The following NME8 variants were observed in gnomAD, a reference collection of about 807,000 sequenced individuals.
NME8 encodes the protein protein NME8.
A neutral mutation model predicts 82.3 loss-of-function variants in NME8; 72 were observed. That is an observed-to-expected ratio of 0.87 (90% CI 0.72 to 1.06). The LOEUF (loss-of-function observed/expected upper bound fraction) is 1.06. NME8 is among the 50% of genes least tolerant of loss of function. The pLI, the probability that NME8 is intolerant of heterozygous loss-of-function variation, is 0.00. For missense variants in NME8, 712 were observed against 685.4 expected, an observed-to-expected ratio of 1.04 and a Z score of -0.43; for synonymous variants, 267 against 228.5, an observed-to-expected ratio of 1.17 and a Z score of -1.52.
chr7:37,878,897 T>C (rs1316729216), intron 12 of NME8, among the ~76,000 whole-genome samples: 5 of 152,126 alleles, frequency 3.3e-5, no homozygotes, highest in Non-Finnish European at 7.4e-5. Context: ...ATAGTTTACA[T>C]TAAGTTTCAC....
chr7:37,898,416 T>C (rs978603831), intron 17 of NME8, among the ~76,000 whole-genome samples: 4 of 152,166 alleles, frequency 2.6e-5, no homozygotes, highest in African/African-American at 9.6e-5. Flanking sequence ...CATATACTTG[T>C]ACAGTAATGT....
chr7:37,885,214 A>G lies in NME8; in HGVS notation c.1209A>G (p.Pro403=). ...GLQYWKQLLG[P]RTVEEAIEYF... Reference sequence around the variant, plus strand: ...AATACTGGAAACAATTACTGGGACCAAGAACTGTTGAAGAAGCCATTGAAT... The same window carrying G: ...AATACTGGAAACAATTACTGGGACCGAGAACTGTTGAAGAAGCCATTGAAT... Residue 403 remains proline (P), a synonymous_variant, in exon 14 of 18, where the codon CCA becomes CCG. Transcript: ENST00000199447. 2 of 1,613,470 alleles carry G rather than the reference A, an allele frequency of 1.2e-6. No homozygotes were observed. Among genetic ancestry groups the G allele is most frequent in the South Asian group, 1.1e-5 (1 of 91,050 alleles).
At position 37,894,568 on chromosome 7, in the gene NME8, C is replaced by T. The variant is rs149205459; in HGVS notation, c.1502C>T (p.Thr501Ile). Residue 501 changes from threonine to isoleucine, a missense_variant, in exon 16 of 18, where the codon ACA becomes ATA. Transcript: ENST00000199447. ...EQIEKIYPKV[T>I]GKDFYKDLLE... ...ATAGAGAAAATTTATCCAAAAGTAA[C>T]AGGAAAAGACTTTTATAAAGATTTA... The T allele has an allele frequency of 3.2e-5, 52 of 1,601,834 alleles. No individual in the cohort carries two copies. Among genetic ancestry groups the T allele is most frequent in the Non-Finnish European group, 4.2e-5 (49 of 1,169,326 alleles).
chr7:37,896,749 A>T (rs1785234444), intron 16 of NME8, 121 bp from the exon 17 acceptor site: 4 of 829,012 alleles, frequency 4.8e-6, no homozygotes, highest in South Asian at 1.4e-5. Context: ...GATTGCACTG[A>T]TAAGGACAAA....
At position 37,885,234 on chromosome 7, in the gene NME8, T is replaced by C. The variant is rs1287075642; in HGVS notation, c.1229T>C (p.Ile410Thr). The change falls in exon 14 of 18, where the codon ATT becomes ACT. Residue 410 changes from isoleucine to threonine, a missense_variant. Transcript: ENST00000199447. ...LLGPRTVEEA[I>T]EYFPESLCAQ... ...GGACCAAGAACTGTTGAAGAAGCCATTGAATATTTTCCAGAGAGGTAGGAT... is the reference window on the plus strand; with the variant it reads ...GGACCAAGAACTGTTGAAGAAGCCACTGAATATTTTCCAGAGAGGTAGGAT... The C allele has an allele frequency of 6.2e-7, 1 of 1,611,338 alleles. No homozygotes were observed. The highest frequency in any genetic ancestry group is 8.5e-7 in the Non-Finnish European group (1 of 1,177,660).
intron 10 of NME8, among the ~76,000 whole-genome samples, chr7:37,867,428 A>C (rs1784702621): frequency 6.6e-6 from 1 of 152,022 alleles, no homozygotes. Flanking sequence ...TTTTCTAAGG[A>C]TACAAATTTA....
rs1473060944 is a variant in NME8, at chr7:37,848,967, CACA to C, written c.-94_-92del. On this transcript the variant is annotated 5_prime_UTR_variant, in exon 2 of 18. Coordinates refer to ENST00000199447, the MANE Select transcript of NME8 (RefSeq NM_016616.5). ...TCGCCGAGGTCACCGCTCAAACGGC[CACA>C]ACGAGGGAGCCGATTTAGATCCTCT... 2 of 152,272 alleles carry C rather than the reference CACA, an allele frequency of 1.3e-5. No homozygotes were observed. The highest frequency in any genetic ancestry group is 2.9e-5 in the Non-Finnish European group (2 of 68,122). 9.4% of individuals were successfully genotyped at this position (152,272 alleles called of 1,614,324 possible).
chr7:37,882,591 GAAAGAAAGAGAGAGAGAGAGAGAGAA>G lies in NME8; in HGVS notation c.995-1710_995-1685del, dbSNP rs1454381579. Among the ~76,000 whole-genome samples the G allele has an allele frequency of 4.0e-4, 30 of 75,688 alleles. No homozygotes were observed. In the East Asian group the frequency reaches 0.014, roughly 36 times the overall value. 49.7% of individuals were successfully genotyped at this position (75,688 alleles called of 152,430 possible). A position where few individuals can be genotyped will look rare whatever the true frequency, so the allele number is the denominator to read the frequency against. ...AGAAAGAAAGAAAGAAAGAAAGAAAGAAAGAAAGAGAGAGAGAGAGAGAGAAAGAAAGAAAGAAAGAAAGAAAGAAA... is the reference window on the plus strand; with the variant it reads ...AGAAAGAAAGAAAGAAAGAAAGAAAGAGAAAGAAAGAAAGAAAGAAAGAAA... On this transcript the variant is annotated intron_variant, in intron 12 of 17. Transcript: ENST00000199447.
At chr7:37,856,642 A>G (rs956064934) in intron 5 of NME8, among the ~76,000 whole-genome samples, 12 of 152,224 alleles carry the variant, frequency 7.9e-5, no homozygotes, top group Non-Finnish European at 2.9e-5. Context: ...TTAATTTGGA[A>G]CAACTTGAAA....
chr7:37,895,697 C>T (rs1479522366), intron 16 of NME8, among the ~76,000 whole-genome samples: 1 of 151,972 alleles, frequency 6.6e-6, no homozygotes, highest in Non-Finnish European at 1.5e-5. Context: ...CAGCAGTAGT[C>T]CCATAAGATT....
intron 11 of NME8, 62 bp from the exon 12 acceptor site, chr7:37,876,770 T>C: frequency 8.4e-7 from 1 of 1,196,100 alleles, no homozygotes; most frequent in Non-Finnish European, 1.2e-6. Flanking sequence ...AGATTTAATT[T>C]GTTGGCATGG....
At chr7:37,876,235 TAG>T (rs1562835692) in intron 11 of NME8, among the ~76,000 whole-genome samples, 1,419 of 83,640 alleles carry the variant, frequency 0.017, 29 homozygotes, top group African/African-American at 0.041. Flanking sequence ...TATATATAGA[TAG>T]ATAGATAGAT....
intron 6 of NME8, 135 bp from the exon 7 acceptor site, chr7:37,861,893 A>C: frequency 3.9e-6 from 3 of 761,964 alleles, no homozygotes; most frequent in Non-Finnish European, 7.3e-6. Context: ...TAAAACGTTA[A>C]TTACCATAGC....
intron 12 of NME8, among the ~76,000 whole-genome samples, chr7:37,881,720 A>G (rs1270601616): frequency 3.9e-5 from 6 of 152,202 alleles, no homozygotes; most frequent in Non-Finnish European, 7.3e-5. Context: ...AATTGTTTCC[A>G]GAGAATTGGT....
At chr7:37,853,873 A>G (rs1172684188) in intron 5 of NME8, among the ~76,000 whole-genome samples, 1 of 151,484 alleles carries the variant, frequency 6.6e-6, no homozygotes, top group Non-Finnish European at 1.5e-5. Context: ...TTTTATATAT[A>G]TAGAGAGAGG....
intron 15 of NME8, among the ~76,000 whole-genome samples, chr7:37,889,860 A>T (rs1338114456): frequency 1.3e-5 from 2 of 151,988 alleles, no homozygotes; most frequent in Non-Finnish European, 2.9e-5. Flanking sequence ...TTTTTCCCCA[A>T]CTTGATCTGT....
Position 37,850,184 on chromosome 7 carries a change from A to G in NME8, c.-7-76A>G, listed in dbSNP as rs10271309. On this transcript the variant is annotated intron_variant, in intron 2 of 17. Transcript: ENST00000199447. ...CAAAAATTAAAAATTGTTTTAAAAG[A>G]TGTTATTTGCATGCATAAAGAAAAT... The G allele has an allele frequency of 0.42, 467,867 of 1,110,362 alleles. 103,026 individuals carry two copies. Among genetic ancestry groups the G allele is most frequent in the Middle Eastern group, 0.46 (2,228 of 4,894 alleles). 68.8% of individuals were successfully genotyped at this position (1,110,362 alleles called of 1,614,324 possible). A position where few individuals can be genotyped will look rare whatever the true frequency, so the allele number is the denominator to read the frequency against.
At chr7:37,853,994 C>T (rs975401891) in intron 5 of NME8, among the ~76,000 whole-genome samples, 1 of 150,068 alleles carries the variant, frequency 6.7e-6, no homozygotes, top group African/African-American at 2.4e-5. Context: ...AATTATAATA[C>T]CTGAATTACT....
At chr7:37,897,140 T>A (rs762180091) in intron 17 of NME8, 33 bp downstream of exon 17, 1 of 1,375,100 alleles carries the variant, frequency 7.3e-7, no homozygotes, top group African/African-American at 1.4e-5. Flanking sequence ...TTTTATTTTA[T>A]TTGCTTGTTG....
Sources: allele counts gnomAD v4.1 joint callset (sites outside exome capture counted in the v4.1 genomes callset), GRCh38; gene constraint gnomAD v4.1.1; transcripts MANE v1.5; gene names NCBI Gene and HGNC (gene_info 2026-07-23, HGNC 2026-07-21).